The following TEX11 variants were observed in gnomAD, a reference collection of about 807,000 sequenced individuals.
TEX11 encodes the protein testis expressed 11.
Under a neutral mutation model 84.4 loss-of-function variants are expected in TEX11, and 7 were observed. That is an observed-to-expected ratio of 0.08 (90% CI 0.05 to 0.16). TEX11 has a LOEUF of 0.16. Among genes scored for constraint, TEX11 ranks in the 10% least tolerant of loss-of-function variants. The pLI, the probability that TEX11 is intolerant of heterozygous loss-of-function variation, is 1.00. For synonymous variants in TEX11, 264 were observed against 222.8 expected, an observed-to-expected ratio of 1.18 and a Z score of -1.64; for missense variants, 551 against 660.5, an observed-to-expected ratio of 0.83 and a Z score of 1.82.
chrX:70,853,373 C>T (rs2091519336), intron 5 of TEX11, 45 bp from the exon 6 acceptor site: 2 of 924,633 alleles, frequency 2.2e-6, no homozygotes, highest in Non-Finnish European at 1.5e-6. Flanking sequence ...ATTCATACCT[C>T]CCCCAAATTG....
At chrX:70,792,716 C>A in intron 9 of TEX11, among the ~76,000 whole-genome samples, 1 of 109,329 alleles carries the variant, frequency 9.1e-6, no homozygotes, top group Non-Finnish European at 1.9e-5. Context: ...ACAACAAAGC[C>A]CTGGACCTAG....
chrX:70,617,136 A>C (rs1367064074), intron 20 of TEX11, among the ~76,000 whole-genome samples: 1 of 110,430 alleles, frequency 9.1e-6, no homozygotes, highest in Non-Finnish European at 1.9e-5. Flanking sequence ...AAATATATAC[A>C]TCTACTATGT....
chrX:70,645,718 T>C (rs2089733600), intron 17 of TEX11, among the ~76,000 whole-genome samples: 1 of 111,303 alleles, frequency 9.0e-6, no homozygotes, highest in South Asian at 3.7e-4. Context: ...AAATTTAATG[T>C]TGAAGTGAAA....
chrX:70,590,731 T>A (rs2147496514), intron 25 of TEX11, among the ~76,000 whole-genome samples: 1 of 111,911 alleles, frequency 8.9e-6, no homozygotes, highest in East Asian at 2.8e-4. Flanking sequence ...TTTATTTATT[T>A]ATTTGTGTAT....
chrX:70,613,131 G>T (rs2089280272), intron 20 of TEX11, among the ~76,000 whole-genome samples: 1 of 111,659 alleles, frequency 9.0e-6, no homozygotes, highest in African/African-American at 3.3e-5. Flanking sequence ...CAGGGGTGGA[G>T]CAAGATTATG....
chrX:70,524,669 G>C (rs1203135570), downstream of TEX11, among the ~76,000 whole-genome samples: 1 of 112,414 alleles, frequency 8.9e-6, no homozygotes, highest in Admixed American at 9.4e-5. Flanking sequence ...AGGTTCAAGC[G>C]ATTCTCCTGC....
At chrX:70,557,550 T>G (rs767777038) in intron 25 of TEX11, among the ~76,000 whole-genome samples, 1 of 111,764 alleles carries the variant, frequency 8.9e-6, no homozygotes, top group Non-Finnish European at 1.9e-5. Flanking sequence ...TAGTTTCCAT[T>G]TTGTTATGTA....
At chrX:70,599,189 G>C (rs981153555) in intron 24 of TEX11, among the ~76,000 whole-genome samples, 2 of 111,111 alleles carry the variant, frequency 1.8e-5, no homozygotes, top group African/African-American at 6.6e-5. Flanking sequence ...AGAAAATAAA[G>C]AAATAAATAA....
At chrX:70,790,829 G>A (rs894376249) in intron 9 of TEX11, among the ~76,000 whole-genome samples, 2 of 112,151 alleles carry the variant, frequency 1.8e-5, no homozygotes, top group Non-Finnish European at 3.8e-5. Flanking sequence ...AACTATGAGG[G>A]GCCAGAGTAC....
At chrX:70,675,120 A>G (rs758106408) in intron 15 of TEX11, among the ~76,000 whole-genome samples, 1 of 111,387 alleles carries the variant, frequency 9.0e-6, no homozygotes, top group Non-Finnish European at 1.9e-5. Flanking sequence ...TTTACAGGTT[A>G]TAAACTGCAG....
At chrX:70,729,913 G>A (rs2090631791) in intron 11 of TEX11, among the ~76,000 whole-genome samples, 1 of 112,167 alleles carries the variant, frequency 8.9e-6, no homozygotes, top group Non-Finnish European at 1.9e-5. Flanking sequence ...CAGACAGAAA[G>A]GTCGGGTTAC....
chrX:70,541,025 C>T (rs1299161783), intron 28 of TEX11, among the ~76,000 whole-genome samples: 1 of 110,406 alleles, frequency 9.1e-6, no homozygotes, highest in East Asian at 2.9e-4. Context: ...ACCATCTCTA[C>T]AAAAAAATTA....
intron 20 of TEX11, among the ~76,000 whole-genome samples, chrX:70,617,414 GT>G (rs1453701475): frequency 9.5e-6 from 1 of 104,847 alleles, no homozygotes; most frequent in Non-Finnish European, 1.9e-5. Context: ...ACACATATAT[GT>G]ATATACACAT....
At chrX:70,686,496 T>C (rs2090189680) in intron 13 of TEX11, among the ~76,000 whole-genome samples, 2 of 110,563 alleles carry the variant, frequency 1.8e-5, no homozygotes, top group South Asian at 7.7e-4. Flanking sequence ...TGAGAACATA[T>C]GGAGACAGGG....
intron 17 of TEX11, among the ~76,000 whole-genome samples, chrX:70,638,962 C>T (rs141120689): frequency 1.4e-3 from 156 of 110,228 alleles, no homozygotes; most frequent in African/African-American, 4.2e-3. Context: ...GCATGAACCA[C>T]GCAGAAGACG....
chrX:70,874,026 A>C (rs2091642917), intron 3 of TEX11, among the ~76,000 whole-genome samples: 1 of 111,180 alleles, frequency 9.0e-6, no homozygotes, highest in Non-Finnish European at 1.9e-5. Context: ...GTAATGAGTG[A>C]GTTCTCAGTC....
intron 9 of TEX11, among the ~76,000 whole-genome samples, chrX:70,782,719 C>A (rs930422003): frequency 8.3e-5 from 8 of 96,494 alleles, no homozygotes; most frequent in African/African-American, 2.4e-4. Flanking sequence ...CAGTAAAGAT[C>A]AAAAAAGACA....
At chrX:70,629,473 C>G in intron 18 of TEX11, 138 bp downstream of exon 18, 1 of 677,437 alleles carries the variant, frequency 1.5e-6, no homozygotes, top group South Asian at 3.0e-5. Context: ...AGCAGTTCTG[C>G]AACCAAGTTT....
chrX:70,606,058 C>T (rs2089192141), intron 23 of TEX11, among the ~76,000 whole-genome samples: 1 of 112,422 alleles, frequency 8.9e-6, no homozygotes, highest in South Asian at 3.7e-4. Context: ...CAAGTCCCAT[C>T]ACAAATGCCA....
Sources: gnomAD v4.1 joint callset for allele counts (sites outside exome capture counted in the v4.1 genomes callset) on GRCh38, gnomAD v4.1.1 for gene constraint, MANE v1.5 for transcripts, NCBI Gene and HGNC (gene_info 2026-07-23, HGNC 2026-07-21) for gene names.